Variants in CPD observed in about 807,000 individuals in gnomAD.
CPD encodes metallocarboxypeptidase D.
In CPD, 69 loss-of-function variants were observed where a neutral mutation model predicts 138.3. That is an observed-to-expected ratio of 0.50 (90% CI 0.41 to 0.61). The LOEUF is 0.61. CPD is among the 20% of genes least tolerant of loss of function. The pLI is 0.00. For synonymous variants in CPD, 651 were observed against 642.1 expected, an observed-to-expected ratio of 1.01 and a Z score of -0.21; for missense variants, 1,432 against 1,733.3, an observed-to-expected ratio of 0.83 and a Z score of 3.09.
intron 2 of CPD, among the ~76,000 whole-genome samples, chr17:30,399,613 C>T (rs1911600501): frequency 6.6e-6 from 1 of 152,146 alleles, no homozygotes; most frequent in South Asian, 2.1e-4. Context: ...ACCTGATAGT[C>T]ATATAGCTAC....
intron 2 of CPD, among the ~76,000 whole-genome samples, chr17:30,411,761 A>AAAAAG (rs1266835881): frequency 6.6e-6 from 1 of 151,884 alleles, no homozygotes; most frequent in African/African-American, 2.4e-5. Flanking sequence ...CATTCGTCTA[A>AAAAAG]CCTTTTTTCA....
In CPD at chr17:30,421,707, G is replaced by C. The variant is rs1157496381; in HGVS notation, c.1181G>C (p.Gly394Ala). ...VKGFVKDSIT[G>A]SGLENATISV... is the part of the protein sequence containing the mutation. Reference sequence around the variant, plus strand: ...GGATTTGTTAAAGATTCCATAACAGGATCTGGGTTAGAGAATGCAACCATC... The same window carrying C: ...GGATTTGTTAAAGATTCCATAACAGCATCTGGGTTAGAGAATGCAACCATC... Residue 394 changes from glycine (G) to alanine (A), a missense_variant, in exon 4 of 21, where the codon GGA (glycine) becomes GCA (alanine). Gly to Ala is a moderately conservative substitution (Grantham distance 60, BLOSUM62 0). Coordinates refer to ENST00000225719, the MANE Select transcript of CPD (RefSeq NM_001304.5). 3 of 1,613,608 alleles carry C rather than the reference G, an allele frequency of 1.9e-6. No homozygotes were observed. The African/African-American group carries it at 4.0e-5, about 22-fold the overall frequency.
intron 2 of CPD, among the ~76,000 whole-genome samples, chr17:30,390,126 C>T (rs1044571079): frequency 6.6e-6 from 1 of 151,866 alleles, no homozygotes. Context: ...AGATGATTCC[C>T]GTGCCTCAGC....
At chr17:30,462,335 G>A in intron 19 of CPD, 35 bp from the exon 20 acceptor site, 2 of 1,559,102 alleles carry the variant, frequency 1.3e-6, no homozygotes, top group Non-Finnish European at 1.8e-6. Flanking sequence ...ACCTTAAGCA[G>A]AATTTGTCAT....
intron 2 of CPD, among the ~76,000 whole-genome samples, chr17:30,391,556 C>A (rs767995883): frequency 6.6e-6 from 1 of 152,064 alleles, no homozygotes; most frequent in African/African-American, 2.4e-5. Flanking sequence ...ATTTTATTTT[C>A]TTGCAGATAG....
intron 1 of CPD, among the ~76,000 whole-genome samples, chr17:30,381,711 T>C (rs1047213447): frequency 6.6e-6 from 1 of 152,244 alleles, no homozygotes; most frequent in Non-Finnish European, 1.5e-5. Flanking sequence ...ACTTTATGGA[T>C]GGGATATTTT....
At chr17:30,457,652 C>G (rs537756212) in intron 17 of CPD, among the ~76,000 whole-genome samples, 1 of 151,966 alleles carries the variant, frequency 6.6e-6, no homozygotes, top group African/African-American at 2.4e-5. Context: ...TCCTCACCAA[C>G]ACTTATTTGC....
At chr17:30,398,223 TAGAATAGAATAGAAC>T (rs991214892) in intron 2 of CPD, among the ~76,000 whole-genome samples, 3 of 105,998 alleles carry the variant, frequency 2.8e-5, no homozygotes, top group African/African-American at 8.1e-5. Flanking sequence ...AACAGAATAA[TAGAATAGAATAGAAC>T]AGAATAGAAT....
intron 2 of CPD, among the ~76,000 whole-genome samples, chr17:30,411,293 T>C (rs937953339): frequency 3.9e-5 from 6 of 152,212 alleles, no homozygotes; most frequent in African/African-American, 1.4e-4. Context: ...CTTTAACATT[T>C]TTTCCTTCAT....
intron 1 of CPD, among the ~76,000 whole-genome samples, chr17:30,384,641 C>T (rs1911132670): frequency 6.6e-6 from 1 of 152,118 alleles, no homozygotes; most frequent in African/African-American, 2.4e-5. Context: ...TCATATAGTT[C>T]AACCTAATAC....
At chr17:30,435,410 A>C (rs1912672489) in intron 8 of CPD, among the ~76,000 whole-genome samples, 1 of 152,076 alleles carries the variant, frequency 6.6e-6, no homozygotes, top group South Asian at 2.1e-4. Context: ...TTCAATAGGC[A>C]AAGAATAGAT....
rs1031627788 is a variant in CPD, at chr17:30,421,735, A to G, written c.1209A>G (p.Ser403=). 1 of 1,613,292 alleles carries G rather than the reference A, an allele frequency of 6.2e-7. No individual in the cohort carries two copies. Among genetic ancestry groups the G allele is most frequent in the South Asian group, 1.1e-5 (1 of 91,068 alleles). Residue 403 remains serine, a synonymous_variant, in exon 4 of 21, where the codon TCA becomes TCG. Transcript: ENST00000225719. Reference sequence around the variant, plus strand: ...CTGGGTTAGAGAATGCAACCATCTCAGTGGCTGGTATTAATCATAATATCA... The same window carrying G: ...CTGGGTTAGAGAATGCAACCATCTCGGTGGCTGGTATTAATCATAATATCA... The part of the protein sequence containing the change: ...TGSGLENATI[S]VAGINHNITT...
chr17:30,445,899 C>T lies in CPD; in HGVS notation c.2752C>T (p.Leu918Phe), dbSNP rs748915805. Residue 918 changes from leucine (L) to phenylalanine (F), a missense_variant, in exon 12 of 21, where the codon CTC becomes TTC. By Grantham distance (22) the Leu-to-Phe change is conservative. This residue lies in a region of CPD where 124 missense variants were observed against 117.0 expected (regional missense o/e 1.06). Coordinates refer to ENST00000225719, the MANE Select transcript of CPD (RefSeq NM_001304.5). The part of the protein sequence containing the change: ...DLSAENGLES[L>F]MLRSSSNLAL... ...TTCAGCGGAGAATGGTTTGGAAAGC[C>T]TCATGTTACGCTCCTCCTCAAATCT... The T allele has an allele frequency of 5.0e-6, 8 of 1,614,132 alleles. No homozygotes were observed. In the Admixed American group the frequency reaches 1.2e-4, roughly 24 times the overall value.
chr17:30,422,045 T>A (rs1177868368), intron 4 of CPD, among the ~76,000 whole-genome samples: 1 of 152,218 alleles, frequency 6.6e-6, no homozygotes, highest in Non-Finnish European at 1.5e-5. Context: ...AGCATAGTTG[T>A]AGCATTAGAG....
intron 7 of CPD, among the ~76,000 whole-genome samples, chr17:30,429,014 T>A (rs980282344): frequency 6.6e-6 from 1 of 152,158 alleles, no homozygotes; most frequent in South Asian, 2.1e-4. Context: ...CATTTTAGAA[T>A]GACAGTACAT....
Position 30,379,647 on chromosome 17 carries a change from C to T in CPD, c.667C>T (p.Gln223Ter). The change falls in exon 1 of 21, where the codon CAG (glutamine) becomes TAG (stop). Residue 223 changes from glutamine to a stop codon, truncating the protein, a stop_gained. Transcript: ENST00000225719. LOFTEE classifies it high-confidence loss of function. This position sits in a 1 kb window ranked among gnomAD's most constrained non-coding sequence, Gnocchi z 7.0. ...CGACCTCAACCGAAGCTTTCCCGAC[C>T]AGTTTAGCACCGGCGAACCCCCCGC... is the stretch of plus-strand genomic sequence containing the variant. ...GRDLNRSFPD[Q>*]FSTGEPPALD... 1 of 1,515,424 alleles carries T rather than the reference C, an allele frequency of 6.6e-7. No individual in the cohort carries two copies. The highest frequency in any genetic ancestry group is 8.7e-7 in the Non-Finnish European group (1 of 1,148,098). 93.9% of individuals were successfully genotyped at this position (1,515,424 alleles called of 1,614,324 possible).
At chr17:30,407,207 G>A (rs1388239371) in intron 2 of CPD, among the ~76,000 whole-genome samples, 2 of 152,122 alleles carry the variant, frequency 1.3e-5, no homozygotes, top group African/African-American at 4.8e-5. Flanking sequence ...TCTTAATCCA[G>A]TCTGTCATTG....
Position 30,461,171 on chromosome 17 carries a change from A to G in CPD, c.3499-9A>G. ...TTTCCCACATTTGATTTTGAACTTTATATTCTAGGATTATAGTGTCACCTA... is the reference window on the plus strand; with the variant it reads ...TTTCCCACATTTGATTTTGAACTTTGTATTCTAGGATTATAGTGTCACCTA... On this transcript the variant is annotated splice_polypyrimidine_tract_variant and intron_variant, in intron 17 of 20. Coordinates refer to ENST00000225719, the MANE Select transcript of CPD (RefSeq NM_001304.5). 2 of 1,572,278 alleles carry G rather than the reference A, an allele frequency of 1.3e-6. No individual in the cohort carries two copies. The highest frequency in any genetic ancestry group is 1.7e-6 in the Non-Finnish European group (2 of 1,162,474).
Position 30,461,875 on chromosome 17 carries a change from AG to A in CPD, c.3631del. 6.3e-7 allele frequency: 1 copy of A among 1,579,870 alleles called. No individual in the cohort carries two copies. Among genetic ancestry groups the A allele is most frequent in the Non-Finnish European group, 8.6e-7 (1 of 1,164,706 alleles). On this transcript the variant is annotated splice_acceptor_variant, in intron 18 of 20. Coordinates refer to ENST00000225719, the MANE Select transcript of CPD (RefSeq NM_001304.5). LOFTEE classifies it high-confidence loss of function. ...AAATTTATATTTTAAACATTTTTTC[AG>A]GTTCACAAGGGAGTTCATGGATTTG...
Sources: gnomAD v4.1 joint callset for allele counts (sites outside exome capture counted in the v4.1 genomes callset) on GRCh38, gnomAD v4.1.1 for gene constraint, gnomAD v4.1.1 regional missense constraint, Gnocchi (gnomAD v3.1) non-coding constraint, MANE v1.5 for transcripts, NCBI Gene and HGNC (gene_info 2026-07-23, HGNC 2026-07-21) for gene names.